Variants in SLC16A9 observed in about 807,000 individuals in gnomAD.
The protein encoded by SLC16A9 is solute carrier family 16 member 9.
A neutral mutation model predicts 44.3 loss-of-function variants in SLC16A9; 26 were observed. That is an observed-to-expected ratio of 0.59 (90% CI 0.43 to 0.81). The LOEUF (loss-of-function observed/expected upper bound fraction) is 0.81. Among genes scored for constraint, SLC16A9 ranks in the 40% least tolerant of loss-of-function variants. The probability of loss-of-function intolerance (pLI) is 0.00; values close to 1 mark genes in which losing one functional copy is unlikely to be tolerated. For synonymous variants in SLC16A9, 230 were observed against 225.1 expected (o/e 1.02, Z -0.19); for missense variants, 559 against 595.8 (o/e 0.94, Z 0.64).
chr10:59,665,788 T>C (rs1389357583), intron 3 of SLC16A9, among the ~76,000 whole-genome samples: 5 of 152,142 alleles, frequency 3.3e-5, no homozygotes, highest in Non-Finnish European at 7.3e-5. Context: ...CAGAGCTGTG[T>C]CAAAGGTTAA....
intron 1 of SLC16A9, among the ~76,000 whole-genome samples, chr10:59,695,275 T>A (rs1437014297): frequency 1.3e-5 from 2 of 152,100 alleles, no homozygotes; most frequent in Non-Finnish European, 2.9e-5. Flanking sequence ...ACTAAAGCCA[T>A]CAAGGAATTA....
chr10:59,678,554 T>TTTTTTTTTTTTTTTTTTTTTTTTAAG, intron 2 of SLC16A9, among the ~76,000 whole-genome samples: 3 of 68,890 alleles, frequency 4.4e-5, no homozygotes, highest in South Asian at 6.3e-4. Flanking sequence ...TTCTTTTTTT[T>TTTTTTTTTTTTTTTTTTTTTTTTAAG]GAGACGGAGT....
rs34715719 is a variant in SLC16A9 at position 59,684,333 on chromosome 10, C to A, written c.-36-6G>T. The A allele has an allele frequency of 6.6e-7, 1 of 1,523,716 alleles. No individual in the cohort carries two copies. The highest frequency in any genetic ancestry group is 1.4e-5 in the African/African-American group (1 of 71,384). The allele number at this position is 1,523,716 out of a possible 1,614,324, so 94.4% of individuals were successfully genotyped here. Reference sequence around the variant, plus strand: ...GAGGCGTTTCTCTGCAGGTCCTAAACAAAAACAAACAGAAAAGAGAATCTT... The same window carrying A: ...GAGGCGTTTCTCTGCAGGTCCTAAAAAAAAACAAACAGAAAAGAGAATCTT... On this transcript the variant is annotated splice_region_variant and splice_polypyrimidine_tract_variant and intron_variant, in intron 1 of 5. Transcript: ENST00000395348.
chr10:59,692,358 G>T (rs1171646), intron 1 of SLC16A9, among the ~76,000 whole-genome samples: 76,717 of 152,010 alleles, frequency 0.5, 20,154 homozygotes, highest in East Asian at 0.62. Context: ...ATGCTGCTGT[G>T]GCAGATGAAA....
At chr10:59,698,279 A>G (rs1239320262) in intron 1 of SLC16A9, among the ~76,000 whole-genome samples, 1 of 152,202 alleles carries the variant, frequency 6.6e-6, no homozygotes, top group East Asian at 1.9e-4. Flanking sequence ...GGAGAATATG[A>G]CTTTTTTTTC....
At chr10:59,688,492 G>A (rs1317294425) in intron 1 of SLC16A9, among the ~76,000 whole-genome samples, 1 of 152,086 alleles carries the variant, frequency 6.6e-6, no homozygotes, top group Non-Finnish European at 1.5e-5. Context: ...ATATGATTGT[G>A]TTAACAGAAT....
chr10:59,693,747 G>A (rs1241262862), intron 1 of SLC16A9, among the ~76,000 whole-genome samples: 1 of 150,998 alleles, frequency 6.6e-6, no homozygotes, highest in Non-Finnish European at 1.5e-5. Flanking sequence ...AGCCTCCCAA[G>A]TAGCTGGGGC....
intron 2 of SLC16A9, among the ~76,000 whole-genome samples, chr10:59,677,182 T>C (rs1036832737): frequency 1.1e-4 from 17 of 151,954 alleles, no homozygotes; most frequent in Non-Finnish European, 2.9e-5. Flanking sequence ...AGAGCCAATA[T>C]TATTGTTGTC....
chr10:59,654,091 G>C lies in SLC16A9; in HGVS notation c.935C>G (p.Ala312Gly). 6.2e-7 allele frequency: 1 copy of C among 1,614,072 alleles called. No homozygotes were observed. The highest frequency in any genetic ancestry group is 8.5e-7 in the Non-Finnish European group (1 of 1,180,022). ...KNKVFSALFIAILLFDIGGFP... is the reference protein window; with the variant it reads ...KNKVFSALFIGILLFDIGGFP... ...CCCTCCGATGTCAAAGAGTAAGATA[G>C]CAATGAAAAGGGCTGAAAATACTTT... The change falls in exon 5 of 6, where the codon GCT (alanine) becomes GGT (glycine). Residue 312 changes from alanine to glycine, a missense_variant. Ala to Gly is a moderately conservative substitution (Grantham distance 60, BLOSUM62 0). Coordinates refer to ENST00000395348, the MANE Select transcript of SLC16A9 (RefSeq NM_194298.3).
chr10:59,708,755 T>C (rs1840697788), intron 1 of SLC16A9: 1 of 152,238 alleles, frequency 6.6e-6, no homozygotes. Flanking sequence ...GGAAAGCCTC[T>C]GGGCGCTGCT....
At chr10:59,685,103 T>C (rs996467093) in intron 1 of SLC16A9, among the ~76,000 whole-genome samples, 48 of 152,142 alleles carry the variant, frequency 3.2e-4, no homozygotes, top group Non-Finnish European at 1.3e-4. Flanking sequence ...ACCAAGCAAA[T>C]ATTTTCAATG....
intron 1 of SLC16A9, among the ~76,000 whole-genome samples, chr10:59,693,519 C>T (rs1404523241): frequency 6.6e-6 from 1 of 152,126 alleles, no homozygotes; most frequent in African/African-American, 2.4e-5. Flanking sequence ...TTCTGTATGT[C>T]TATATATACA....
chr10:59,692,743 A>G (rs1048796721), intron 1 of SLC16A9, among the ~76,000 whole-genome samples: 1 of 152,222 alleles, frequency 6.6e-6, no homozygotes, highest in Non-Finnish European at 1.5e-5. Context: ...CCCTCCAAAC[A>G]TGTATCATTT....
intron 1 of SLC16A9, among the ~76,000 whole-genome samples, chr10:59,702,526 T>C (rs1255740543): frequency 6.6e-6 from 1 of 152,208 alleles, no homozygotes; most frequent in Non-Finnish European, 1.5e-5. Flanking sequence ...GTAAGGTATG[T>C]GGTTTCTCTC....
At chr10:59,656,476 T>G (rs1215757585) in intron 4 of SLC16A9, among the ~76,000 whole-genome samples, 1 of 152,238 alleles carries the variant, frequency 6.6e-6, no homozygotes, top group Non-Finnish European at 1.5e-5. Context: ...CAACAGATAT[T>G]TATTGAACAC....
chr10:59,662,224 G>C (rs1180004819), intron 4 of SLC16A9, among the ~76,000 whole-genome samples: 1 of 151,598 alleles, frequency 6.6e-6, no homozygotes, highest in African/African-American at 2.4e-5. Context: ...GAAAATATTT[G>C]CAATCTATCC....
intron 1 of SLC16A9, among the ~76,000 whole-genome samples, chr10:59,699,217 G>A (rs564617132): frequency 1.1e-4 from 17 of 152,312 alleles, no homozygotes; most frequent in African/African-American, 3.8e-4. Flanking sequence ...TCAGGATAAT[G>A]ACTGTCACCT....
chr10:59,664,383 A>C, intron 3 of SLC16A9, 61 bp from the exon 4 acceptor site: 1 of 1,130,650 alleles, frequency 8.8e-7, no homozygotes, highest in Non-Finnish European at 1.3e-6. Context: ...CAAGAGAAAA[A>C]AGGAAAAACA....
At chr10:59,689,075 G>A (rs752395978) in intron 1 of SLC16A9, among the ~76,000 whole-genome samples, 3 of 152,138 alleles carry the variant, frequency 2.0e-5, no homozygotes, top group Non-Finnish European at 4.4e-5. Flanking sequence ...GAAATACAAA[G>A]TTCCCATGCA....
Sources: allele counts gnomAD v4.1 joint callset (sites outside exome capture counted in the v4.1 genomes callset), GRCh38; gene constraint gnomAD v4.1.1; transcripts MANE v1.5; gene names NCBI Gene and HGNC (gene_info 2026-07-23, HGNC 2026-07-21).